The following PLPP1 variants were observed in gnomAD, a reference collection of about 807,000 sequenced individuals.
PLPP1 encodes the protein phospholipid phosphatase 1.
In PLPP1, 24 loss-of-function variants were observed where a neutral mutation model predicts 31.2. The observed-to-expected ratio is 0.77, with a 90% CI of 0.56 to 1.08. PLPP1 has a LOEUF of 1.08. Among genes scored for constraint, PLPP1 ranks in the 50% least tolerant of loss-of-function variants. PLPP1 has a pLI of 0.00. For synonymous variants in PLPP1, 146 were observed against 126.3 expected (o/e 1.16, Z -1.05); for missense variants, 319 against 342.7 (o/e 0.93, Z 0.55).
Position 55,424,878 on chromosome 5 carries a change from A to G in PLPP1, c.*328T>C, listed in dbSNP as rs192889409. Reference sequence around the variant, plus strand: ...ATTTGGTTCTCCCATACATTTTAATATGTATTATATTTAAATCAAACATCA... The same window carrying G: ...ATTTGGTTCTCCCATACATTTTAATGTGTATTATATTTAAATCAAACATCA... On this transcript the variant is annotated 3_prime_UTR_variant, in exon 6 of 6. Coordinates refer to ENST00000307259, the MANE Select transcript of PLPP1 (RefSeq NM_003711.4). 1.2e-5 allele frequency: 9 copies of G among 750,844 alleles called. No individual in the cohort carries two copies. Among genetic ancestry groups the G allele is most frequent in the Admixed American group, 7.3e-5 (3 of 41,074 alleles). The allele number at this position is 750,844 out of a possible 1,614,324, so 46.5% of individuals were successfully genotyped here. A position where few individuals can be genotyped will look rare whatever the true frequency, so the allele number is the denominator to read the frequency against.
intron 3 of PLPP1, among the ~76,000 whole-genome samples, chr5:55,465,644 G>C (rs898171576): frequency 6.6e-6 from 1 of 152,150 alleles, no homozygotes; most frequent in Non-Finnish European, 1.5e-5. Context: ...GTGGGCCACA[G>C]GTTGGATAAG....
At chr5:55,463,736 C>T (rs541999763) in intron 3 of PLPP1, among the ~76,000 whole-genome samples, 1 of 151,460 alleles carries the variant, frequency 6.6e-6, no homozygotes, top group South Asian at 2.1e-4. Flanking sequence ...CGCTTGAACA[C>T]AGGAGTTCAA....
chr5:55,511,596 A>G (rs2111910125), intron 1 of PLPP1, among the ~76,000 whole-genome samples: 1 of 145,282 alleles, frequency 6.9e-6, no homozygotes, highest in African/African-American at 2.6e-5. Flanking sequence ...ATTACTAATG[A>G]TATTTATTTT....
intron 3 of PLPP1, among the ~76,000 whole-genome samples, chr5:55,442,806 T>C (rs976822121): frequency 1.3e-5 from 2 of 152,132 alleles, no homozygotes; most frequent in Non-Finnish European, 1.5e-5. Flanking sequence ...CAAAACTTAA[T>C]TTTGTGGCAC....
chr5:55,434,249 G>A (rs1246276646), intron 4 of PLPP1, among the ~76,000 whole-genome samples: 7 of 151,756 alleles, frequency 4.6e-5, no homozygotes. Context: ...CTACAAAGGA[G>A]ACTGCAAAAC....
At chr5:55,495,054 C>G (rs576089879) in intron 1 of PLPP1, among the ~76,000 whole-genome samples, 4 of 151,048 alleles carry the variant, frequency 2.6e-5, no homozygotes, top group Admixed American at 2.0e-4. Context: ...TCGCTTGAAC[C>G]CGGGAGGCAG....
chr5:55,481,301 G>A (rs1043595007), intron 1 of PLPP1, among the ~76,000 whole-genome samples: 4 of 152,180 alleles, frequency 2.6e-5, no homozygotes, highest in Non-Finnish European at 4.4e-5. Flanking sequence ...TAATATTAGC[G>A]AAAATTACAA....
chr5:55,444,771 G>GT (rs369243024), intron 3 of PLPP1, among the ~76,000 whole-genome samples: 1 of 150,806 alleles, frequency 6.6e-6, no homozygotes, highest in African/African-American at 2.4e-5. Flanking sequence ...GTGTGTGTGT[G>GT]ATGGAGTCTC....
At chr5:55,530,020 A>G in intron 1 of PLPP1, 1 of 583,956 alleles carries the variant, frequency 1.7e-6, no homozygotes. Flanking sequence ...CCCTACCTTT[A>G]TTTTCAATCA....
chr5:55,463,564 G>A (rs1752216409), intron 3 of PLPP1, among the ~76,000 whole-genome samples: 2 of 151,860 alleles, frequency 1.3e-5, no homozygotes, highest in Admixed American at 6.6e-5. Context: ...AAGACGCTGA[G>A]GCATGAGGTT....
At chr5:55,458,049 G>A (rs910880481) in intron 3 of PLPP1, among the ~76,000 whole-genome samples, 1 of 152,142 alleles carries the variant, frequency 6.6e-6, no homozygotes, top group African/African-American at 2.4e-5. Flanking sequence ...TAGAGACATA[G>A]GCATGGCATT....
intron 3 of PLPP1, among the ~76,000 whole-genome samples, chr5:55,457,303 A>G (rs933913108): frequency 6.6e-6 from 1 of 152,202 alleles, no homozygotes; most frequent in African/African-American, 2.4e-5. Flanking sequence ...ACACTTGCAT[A>G]TGGATGGCTG....
intron 1 of PLPP1, among the ~76,000 whole-genome samples, chr5:55,481,756 A>C (rs1435724601): frequency 1.3e-5 from 2 of 152,194 alleles, no homozygotes; most frequent in African/African-American, 4.8e-5. Context: ...TATAGGTCAG[A>C]CTGTCAAATA....
At chr5:55,506,373 G>A (rs1753280024) in intron 1 of PLPP1, among the ~76,000 whole-genome samples, 1 of 151,446 alleles carries the variant, frequency 6.6e-6, no homozygotes, top group South Asian at 2.1e-4. Context: ...CACTAAGGCA[G>A]ATAATCCAGT....
intron 1 of PLPP1, among the ~76,000 whole-genome samples, chr5:55,530,934 TGACAGC>T (rs1368753584): frequency 6.6e-6 from 1 of 151,538 alleles, no homozygotes; most frequent in Non-Finnish European, 1.5e-5. Context: ...GGTGACATGG[TGACAGC>T]GGCAGCGGCC....
chr5:55,487,291 T>C (rs1482894669), intron 1 of PLPP1, among the ~76,000 whole-genome samples: 1 of 152,080 alleles, frequency 6.6e-6, no homozygotes, highest in Non-Finnish European at 1.5e-5. Context: ...ACATAAAAAG[T>C]CTTGCCTTTT....
chr5:55,483,523 T>C (rs1752713062), intron 1 of PLPP1, among the ~76,000 whole-genome samples: 1 of 151,724 alleles, frequency 6.6e-6, no homozygotes, highest in Admixed American at 6.6e-5. Flanking sequence ...AATACAAAAA[T>C]TAGCCAGGCA....
chr5:55,458,756 C>T (rs754784294), intron 3 of PLPP1, among the ~76,000 whole-genome samples: 4 of 151,568 alleles, frequency 2.6e-5, no homozygotes, highest in Non-Finnish European at 4.4e-5. Flanking sequence ...GGCGTGGTGG[C>T]GCATGCCTGT....
chr5:55,515,403 T>G (rs191376282), intron 1 of PLPP1, among the ~76,000 whole-genome samples: 56 of 152,354 alleles, frequency 3.7e-4, no homozygotes, highest in Non-Finnish European at 6.9e-4. Flanking sequence ...CTGTGCTTGT[T>G]ATTTTCTAAA....
Sources: allele counts gnomAD v4.1 joint callset (sites outside exome capture counted in the v4.1 genomes callset), GRCh38; gene constraint gnomAD v4.1.1; transcripts MANE v1.5; gene names NCBI Gene and HGNC (gene_info 2026-07-23, HGNC 2026-07-21).